OTOF: variants seen among roughly 807,000 people sequenced by gnomAD.
OTOF encodes the protein fer-1-like family member 2.
OTOF carries 218 observed loss-of-function variants against 236.8 expected under a neutral mutation model. The observed-to-expected ratio is 0.92, with a 90% CI of 0.82 to 1.03. OTOF has a LOEUF of 1.03. Among genes scored for constraint, OTOF ranks in the 50% least tolerant of loss-of-function variants. The probability of loss-of-function intolerance (pLI) is 0.00; values close to 1 mark genes in which losing one functional copy is unlikely to be tolerated. For synonymous variants in OTOF, 1,041 were observed against 1,072.5 expected (o/e 0.97, Z 0.57); for missense variants, 2,590 against 2,694.4 (o/e 0.96, Z 0.86).
intron 30 of OTOF, among the ~76,000 whole-genome samples, chr2:26,471,484 A>G (rs756828594): frequency 2.0e-5 from 3 of 152,198 alleles, no homozygotes; most frequent in Non-Finnish European, 4.4e-5. Flanking sequence ...GCAGATGAAC[A>G]GTCCTAGGCC....
chr2:26,535,973 C>G (rs1365224598), intron 2 of OTOF, among the ~76,000 whole-genome samples: 3 of 152,230 alleles, frequency 2.0e-5, no homozygotes, highest in African/African-American at 7.2e-5. Flanking sequence ...TGGCTGAACG[C>G]CTGGGCTGAC....
intron 5 of OTOF, among the ~76,000 whole-genome samples, chr2:26,514,156 G>T (rs886381731): frequency 6.6e-6 from 1 of 152,276 alleles, no homozygotes; most frequent in Non-Finnish European, 1.5e-5. Context: ...GTGTAGCAGC[G>T]ATGCCTGTCC....
intron 5 of OTOF, 33 bp downstream of exon 5, chr2:26,516,385 G>T: frequency 6.3e-7 from 1 of 1,599,494 alleles, no homozygotes; most frequent in Non-Finnish European, 8.6e-7. Flanking sequence ...TGTCTTGGGA[G>T]CAGTGGGCAG....
intron 9 of OTOF, among the ~76,000 whole-genome samples, chr2:26,492,259 C>T (rs1665867222): frequency 6.6e-6 from 1 of 152,158 alleles, no homozygotes; most frequent in African/African-American, 2.4e-5. Flanking sequence ...TTGGCATCTA[C>T]TGGGTAGAGG....
At chr2:26,467,600 A>T in intron 33 of OTOF, 99 bp from the exon 34 acceptor site, 2 of 1,353,668 alleles carry the variant, frequency 1.5e-6, no homozygotes, top group Non-Finnish European at 2.1e-6. Flanking sequence ...TACTAACTTA[A>T]CTCTCGGATG....
intron 1 of OTOF, among the ~76,000 whole-genome samples, chr2:26,540,745 G>T (rs961446995): frequency 6.6e-6 from 1 of 151,998 alleles, no homozygotes; most frequent in African/African-American, 2.4e-5. Flanking sequence ...TTTGGGGCGG[G>T]GGCAGGTGGG....
chr2:26,511,527 G>T (rs1305426939), intron 5 of OTOF, among the ~76,000 whole-genome samples: 6 of 152,244 alleles, frequency 3.9e-5, no homozygotes, highest in African/African-American at 1.4e-4. Flanking sequence ...CACAGGCCTT[G>T]CCCAGGTAGA....
In OTOF at chr2:26,489,695, T is replaced by C. The variant is rs756003746; in HGVS notation, c.943A>G (p.Lys315Glu). ...FHVSPDVMFD[K>E]IIKISVIHSK... ...CCACTCACCGAAATCTTGATGATCTTGTCAAACATGACATCCGGAGAGACA... is the reference window on the plus strand; with the variant it reads ...CCACTCACCGAAATCTTGATGATCTCGTCAAACATGACATCCGGAGAGACA... Residue 315 changes from lysine to glutamate, a missense_variant, in exon 10 of 47, where the codon AAG becomes GAG. Transcript: ENST00000272371. 30 of 1,612,898 alleles carry C rather than the reference T, an allele frequency of 1.9e-5. No individual in the cohort carries two copies. The highest frequency in any genetic ancestry group is 2.5e-5 in the Non-Finnish European group (30 of 1,179,904).
chr2:26,462,229 T>A lies in OTOF; in HGVS notation c.5193-48A>T. ...GGTTAGCAGCCCCAGGTGGGGGTTA[T>A]GCCAGGGTGCCAGGGCTGGGATGGG... On this transcript the variant is annotated intron_variant, in intron 41 of 46. Coordinates refer to ENST00000272371, the MANE Select transcript of OTOF (RefSeq NM_194248.3). The surrounding 1 kb of genome is among the most constrained non-coding windows in gnomAD (Gnocchi z 4.7). 4 of 1,500,284 alleles carry A rather than the reference T, an allele frequency of 2.7e-6. No homozygotes were observed. The highest frequency in any genetic ancestry group is 3.7e-6 in the Non-Finnish European group (4 of 1,076,928). 92.9% of individuals were successfully genotyped at this position (1,500,284 alleles called of 1,614,324 possible). A position where few individuals can be genotyped will look rare whatever the true frequency, so the allele number is the denominator to read the frequency against.
At chr2:26,490,841 G>A (rs1023772212) in intron 9 of OTOF, among the ~76,000 whole-genome samples, 4 of 152,208 alleles carry the variant, frequency 2.6e-5, no homozygotes, top group Non-Finnish European at 4.4e-5. Context: ...AGACACCCTG[G>A]TCAAGTCTTT....
rs73923718 is a variant in OTOF, at chr2:26,541,213, C to G, written c.80-3439G>C. ...CTCCAAGGTGGTGTCAGATTCACAT[C>G]TGCAGGAAACACCGAGGATCAAACC... On this transcript the variant is annotated intron_variant, in intron 1 of 46. Transcript: ENST00000272371. 2.3e-3 allele frequency among the ~76,000 whole-genome samples: 347 copies of G among 152,330 alleles called. 1 individual carries two copies. The highest frequency in any genetic ancestry group is 8.1e-3 in the African/African-American group (338 of 41,588).
intron 4 of OTOF, among the ~76,000 whole-genome samples, chr2:26,518,312 G>A (rs1198271611): frequency 1.3e-5 from 2 of 152,228 alleles, no homozygotes; most frequent in Non-Finnish European, 2.9e-5. Context: ...CCTGGGAGGT[G>A]GATAATGTAA....
chr2:26,537,588 A>G (rs575360581), intron 2 of OTOF, 128 bp downstream of exon 2: 6 of 732,904 alleles, frequency 8.2e-6, no homozygotes, highest in South Asian at 7.4e-5. Context: ...AGCAGCTGAG[A>G]GGTGAGGGGC....
rs1319789005 is a variant in OTOF at position 26,459,996 on chromosome 2, G to A, written c.*17+12C>T. 1.9e-6 allele frequency: 3 copies of A among 1,555,322 alleles called. No homozygotes were observed. In the African/African-American group the frequency reaches 4.1e-5, roughly 21 times the overall value. On this transcript the variant is annotated intron_variant, in intron 46 of 46. Transcript: ENST00000272371. ...GCCCTTGGTCCAGAGGAAGAAGTAA[G>A]AAATATCAGACCCAGGAGGCCACTG...
intron 4 of OTOF, among the ~76,000 whole-genome samples, chr2:26,518,739 G>T (rs560458716): frequency 1.3e-5 from 2 of 152,348 alleles, no homozygotes; most frequent in East Asian, 3.9e-4. Context: ...CCTGAGCTGG[G>T]TCCAAATGGA....
At chr2:26,537,821 G>T (rs759069310) in intron 1 of OTOF, 47 bp from the exon 2 acceptor site, 1 of 1,383,816 alleles carries the variant, frequency 7.2e-7, no homozygotes. Context: ...CTGTCCAGAC[G>T]ATGAGCATGG....
chr2:26,468,354 C>G, intron 33 of OTOF, 54 bp downstream of exon 33: 1 of 1,391,178 alleles, frequency 7.2e-7, no homozygotes, highest in South Asian at 1.2e-5. Flanking sequence ...GGCAGGAGAG[C>G]TGACCACCCA....
At chr2:26,466,957 C>T (rs1664756706) in intron 35 of OTOF, 106 bp from the exon 36 acceptor site, 2 of 1,563,362 alleles carry the variant, frequency 1.3e-6, no homozygotes, top group South Asian at 1.1e-5. Context: ...GCAGGGCCTT[C>T]ACCCTTTAAC....
At chr2:26,482,788 TGA>T (rs1331141781) in intron 13 of OTOF, among the ~76,000 whole-genome samples, 196 bp from the exon 14 acceptor site, 1 of 148,344 alleles carries the variant, frequency 6.7e-6, no homozygotes. Context: ...CGTGCGTGTG[TGA>T]GTGGATGCAT....
Sources: gnomAD v4.1 joint callset for allele counts (sites outside exome capture counted in the v4.1 genomes callset) on GRCh38, gnomAD v4.1.1 for gene constraint, Gnocchi (gnomAD v3.1) non-coding constraint, MANE v1.5 for transcripts, NCBI Gene and HGNC (gene_info 2026-07-23, HGNC 2026-07-21) for gene names.